The following FOSL2 variants were observed in gnomAD, a reference collection of about 807,000 sequenced individuals.
FOSL2 encodes fos-related antigen 2.
In FOSL2, 3 loss-of-function variants were observed where a neutral mutation model predicts 27.7. That is an observed-to-expected ratio of 0.11 (90% CI 0.05 to 0.28). FOSL2 has a LOEUF of 0.28. Among genes scored for constraint, FOSL2 ranks in the 10% least tolerant of loss-of-function variants. FOSL2 has a pLI of 1.00. For missense variants in FOSL2, 333 were observed against 445.1 expected (o/e 0.75, Z 2.27); for synonymous variants, 179 against 190.1 (o/e 0.94, Z 0.48).
At chr2:28,409,450 C>T (rs1054478326) in intron 3 of FOSL2, among the ~76,000 whole-genome samples, 4 of 152,198 alleles carry the variant, frequency 2.6e-5, no homozygotes, top group Non-Finnish European at 4.4e-5. Flanking sequence ...GCCATGGTAC[C>T]GCGTGCTGCT....
In FOSL2 at chr2:28,413,844, TTGTC is replaced by T. The variant is rs1341558922; in HGVS notation, c.*1400_*1403del. The T allele has an allele frequency of 2.5e-6, 1 of 398,718 alleles. No individual in the cohort carries two copies. Among genetic ancestry groups the T allele is most frequent in the African/African-American group, 2.1e-5 (1 of 48,640 alleles). 24.7% of individuals were successfully genotyped at this position (398,718 alleles called of 1,614,324 possible). ...CTTGTGGCTCATGCGCCATTCCTGG[TTGTC>T]TGTTGAATCTTTCTGGCTGCTGGAA... On this transcript the variant is annotated 3_prime_UTR_variant, in exon 4 of 4. Coordinates refer to ENST00000264716, the MANE Select transcript of FOSL2 (RefSeq NM_005253.4).
At chr2:28,406,351 C>G (rs1375342860) in intron 2 of FOSL2, among the ~76,000 whole-genome samples, 1 of 152,138 alleles carries the variant, frequency 6.6e-6, no homozygotes, top group African/African-American at 2.4e-5. Flanking sequence ...CGTGAGCCAC[C>G]GCGCCCGGCC....
chr2:28,409,066 G>A (rs1040010279), intron 3 of FOSL2, among the ~76,000 whole-genome samples, 200 bp downstream of exon 3: 8 of 152,238 alleles, frequency 5.3e-5, no homozygotes, highest in African/African-American at 1.2e-4. Context: ...GGGAGGTGGC[G>A]TTTAGCACCA....
At position 28,393,831 on chromosome 2, in the gene FOSL2, G is replaced by C. The variant is rs1218306538; in HGVS notation, c.102+9G>C. On this transcript the variant is annotated intron_variant, in intron 1 of 3. Coordinates refer to ENST00000264716, the MANE Select transcript of FOSL2 (RefSeq NM_005253.4). The surrounding 1 kb of genome is among the most constrained non-coding windows in gnomAD (Gnocchi z 4.6). The stretch of plus-strand genomic sequence containing the variant: ...GCGGCGGCGGCCAGCAGGTAGGTGC[G>C]GGCCCCGGTGCACCTGGCGGCGCGG... 1 of 1,577,524 alleles carries C rather than the reference G, an allele frequency of 6.3e-7. No individual in the cohort carries two copies. The highest frequency in any genetic ancestry group is 2.3e-5 in the East Asian group (1 of 42,672).
At position 28,408,475 on chromosome 2, in the gene FOSL2, T is replaced by G. The variant is rs1276776123; in HGVS notation, c.355-284T>G. Reference sequence around the variant, plus strand: ...ATGTGATAGGTGCTGCCATCATGCCTGGGCCAGTGAATCTCTGACCCATTG... The same window carrying G: ...ATGTGATAGGTGCTGCCATCATGCCGGGGCCAGTGAATCTCTGACCCATTG... On this transcript the variant is annotated intron_variant, in intron 2 of 3. Coordinates refer to ENST00000264716, the MANE Select transcript of FOSL2 (RefSeq NM_005253.4). This position sits in a 1 kb window ranked among gnomAD's most constrained non-coding sequence, Gnocchi z 4.1. Among the ~76,000 whole-genome samples, 3 of 152,210 alleles carry G rather than the reference T, an allele frequency of 2.0e-5. No homozygotes were observed. Among genetic ancestry groups the G allele is most frequent in the Non-Finnish European group, 4.4e-5 (3 of 68,034 alleles).
chr2:28,403,426 G>A (rs1170908881), intron 1 of FOSL2, among the ~76,000 whole-genome samples: 2 of 152,172 alleles, frequency 1.3e-5, no homozygotes, highest in African/African-American at 4.8e-5. Context: ...CACTCAGCCA[G>A]TCTGCCCCAA....
chr2:28,393,940 G>T lies in FOSL2; in HGVS notation c.102+118G>T. 4.1e-6 allele frequency: 3 copies of T among 734,860 alleles called. No homozygotes were observed. Among genetic ancestry groups the T allele is most frequent in the East Asian group, 3.0e-5 (1 of 33,740 alleles). 45.5% of individuals were successfully genotyped at this position (734,860 alleles called of 1,614,324 possible). A position where few individuals can be genotyped will look rare whatever the true frequency, so the allele number is the denominator to read the frequency against. On this transcript the variant is annotated intron_variant, in intron 1 of 3. Coordinates refer to ENST00000264716, the MANE Select transcript of FOSL2 (RefSeq NM_005253.4). This position sits in a 1 kb window ranked among gnomAD's most constrained non-coding sequence, Gnocchi z 4.6. ...GGCGAGAAAATACCTACGGGCCACC[G>T]TTGTAAGTTCTGGATTTTCGTCCTC...
In FOSL2 at chr2:28,412,774, C is replaced by G. The variant is rs1445952499; in HGVS notation, c.*326C>G. On this transcript the variant is annotated 3_prime_UTR_variant, in exon 4 of 4. Coordinates refer to ENST00000264716, the MANE Select transcript of FOSL2 (RefSeq NM_005253.4). The surrounding 1 kb of genome is among the most constrained non-coding windows in gnomAD (Gnocchi z 7.1). The stretch of plus-strand genomic sequence containing the variant: ...GAAGCTGGCCTGGACCATTCCTGTC[C>G]CTTTGTTACCATACTGTCTCTGGAG... 3.1e-6 allele frequency: 1 copy of G among 319,736 alleles called. No homozygotes were observed. The highest frequency in any genetic ancestry group is 5.9e-6 in the Non-Finnish European group (1 of 169,076). The allele number at this position is 319,736 out of a possible 1,614,324, so 19.8% of individuals were successfully genotyped here.
At chr2:28,395,639 G>T (rs912275862) in intron 1 of FOSL2, 1 of 152,262 alleles carries the variant, frequency 6.6e-6, no homozygotes, top group African/African-American at 2.4e-5. Flanking sequence ...AAAAGCAGCT[G>T]TTGGCTAATT....
rs1204453249 is a variant in FOSL2, at chr2:28,392,989, C to T, written c.-732C>T. The T allele has an allele frequency of 7.8e-6, 5 of 640,782 alleles. No individual in the cohort carries two copies. Among genetic ancestry groups the T allele is most frequent in the Non-Finnish European group, 1.2e-5 (4 of 344,044 alleles). The allele number at this position is 640,782 out of a possible 1,614,324, so 39.7% of individuals were successfully genotyped here. On this transcript the variant is annotated 5_prime_UTR_variant, in exon 1 of 4. Transcript: ENST00000264716. ...GAGGGAGAGGCGCGGCCGGGCGAGG[C>T]GGGCCCGTCCGGGAGCGGGCTCCGG...
At position 28,393,254 on chromosome 2, in the gene FOSL2, G is replaced by C. The variant is rs955106211; in HGVS notation, c.-467G>C. On this transcript the variant is annotated 5_prime_UTR_variant, in exon 1 of 4. Transcript: ENST00000264716. This position sits in a 1 kb window ranked among gnomAD's most constrained non-coding sequence, Gnocchi z 4.6. Reference sequence around the variant, plus strand: ...AAGGAAGAAACAGAAGTTTCTCCCAGCGGACAGCTTTTCTTTCCGCCTTTT... The same window carrying C: ...AAGGAAGAAACAGAAGTTTCTCCCACCGGACAGCTTTTCTTTCCGCCTTTT... 4.7e-6 allele frequency: 1 copy of C among 211,596 alleles called. No homozygotes were observed. The highest frequency in any genetic ancestry group is 9.2e-6 in the Non-Finnish European group (1 of 108,500). 13.1% of individuals were successfully genotyped at this position (211,596 alleles called of 1,614,324 possible).
In FOSL2 at chr2:28,404,204, C is replaced by T. The variant is rs1664031347; in HGVS notation, c.200C>T (p.Thr67Ile). ...SQDLQWMVQP[T>I]VITSMSNPYP... ...GACCTGCAGTGGATGGTGCAGCCCACAGTGATCACCTCCATGTCCAACCCA... is the reference window on the plus strand; with the variant it reads ...GACCTGCAGTGGATGGTGCAGCCCATAGTGATCACCTCCATGTCCAACCCA... The change falls in exon 2 of 4, where the codon ACA becomes ATA. Residue 67 changes from threonine to isoleucine, a missense_variant. Coordinates refer to ENST00000264716, the MANE Select transcript of FOSL2 (RefSeq NM_005253.4). The surrounding 1 kb of genome is among the most constrained non-coding windows in gnomAD (Gnocchi z 4.7). The T allele has an allele frequency of 6.2e-7, 1 of 1,614,124 alleles. No homozygotes were observed. The highest frequency in any genetic ancestry group is 1.3e-5 in the African/African-American group (1 of 74,942).
intron 1 of FOSL2, chr2:28,394,497 G>A (rs1052948848): frequency 6.6e-6 from 1 of 152,600 alleles, no homozygotes; most frequent in Non-Finnish European, 1.5e-5. Context: ...ACGGACAGGA[G>A]GCTGCACTGC....
rs1239932370 is a variant in FOSL2 at position 28,408,607 on chromosome 2, G to T, written c.355-152G>T. On this transcript the variant is annotated intron_variant, in intron 2 of 3. Transcript: ENST00000264716. This position sits in a 1 kb window ranked among gnomAD's most constrained non-coding sequence, Gnocchi z 4.1. The stretch of plus-strand genomic sequence containing the variant: ...CAGACATCAGGGATCCACATGTTCT[G>T]GGGCCTCTGAGTCCAGCCATGCTCC... 20 of 547,126 alleles carry T rather than the reference G, an allele frequency of 3.7e-5. No individual in the cohort carries two copies. Among genetic ancestry groups the T allele is most frequent in the Middle Eastern group, 3.5e-4 (1 of 2,896 alleles). The allele number at this position is 547,126 out of a possible 1,614,324, so 33.9% of individuals were successfully genotyped here.
In FOSL2 at chr2:28,408,502, T is replaced by C. The variant is rs535138111; in HGVS notation, c.355-257T>C. Among the ~76,000 whole-genome samples, 5 of 152,214 alleles carry C rather than the reference T, an allele frequency of 3.3e-5. No homozygotes were observed. Among genetic ancestry groups the C allele is most frequent in the Non-Finnish European group, 7.3e-5 (5 of 68,040 alleles). On this transcript the variant is annotated intron_variant, in intron 2 of 3. Coordinates refer to ENST00000264716, the MANE Select transcript of FOSL2 (RefSeq NM_005253.4). The surrounding 1 kb of genome is among the most constrained non-coding windows in gnomAD (Gnocchi z 4.1). ...GGCCAGTGAATCTCTGACCCATTGC[T>C]GTCCTGTTTAAACATGGACTTTAAA...
At chr2:28,398,002 C>G (rs1017667510) in intron 1 of FOSL2, among the ~76,000 whole-genome samples, 1 of 152,204 alleles carries the variant, frequency 6.6e-6, no homozygotes, top group Non-Finnish European at 1.5e-5. Context: ...TAGAGTCTAC[C>G]TGGGAGAGCA....
chr2:28,392,904 C>T lies in FOSL2; in HGVS notation c.-817C>T, dbSNP rs1419156570. On this transcript the variant is annotated 5_prime_UTR_variant, in exon 1 of 4. Transcript: ENST00000264716. ...AGCGCTAGGGCTCCGAGCGAACCAG[C>T]GAGCGAGCGAACGAGCGGCGCTCGG... 10 of 712,940 alleles carry T rather than the reference C, an allele frequency of 1.4e-5. No individual in the cohort carries two copies. Among genetic ancestry groups the T allele is most frequent in the South Asian group, 1.3e-4 (9 of 67,322 alleles). 44.2% of individuals were successfully genotyped at this position (712,940 alleles called of 1,614,324 possible). A position where few individuals can be genotyped will look rare whatever the true frequency, so the allele number is the denominator to read the frequency against.
rs1258953225 is a variant in FOSL2, at chr2:28,414,120, C to T, written c.*1672C>T. 3.0e-6 allele frequency: 1 copy of T among 331,042 alleles called. No individual in the cohort carries two copies. The highest frequency in any genetic ancestry group is 2.1e-5 in the African/African-American group (1 of 47,468). 20.5% of individuals were successfully genotyped at this position (331,042 alleles called of 1,614,324 possible). A position where few individuals can be genotyped will look rare whatever the true frequency, so the allele number is the denominator to read the frequency against. ...GCGGGGCTTGTGCTCTGCAAAGACT[C>T]TGCTGCTGGGGATTCAGCTCTAGAG... On this transcript the variant is annotated 3_prime_UTR_variant, in exon 4 of 4. Coordinates refer to ENST00000264716, the MANE Select transcript of FOSL2 (RefSeq NM_005253.4).
chr2:28,398,101 T>C (rs1309774526), intron 1 of FOSL2, among the ~76,000 whole-genome samples: 2 of 152,172 alleles, frequency 1.3e-5, no homozygotes, highest in African/African-American at 4.8e-5. Context: ...ATAAAGATAC[T>C]GGTTGTGAGA....
Sources: allele counts gnomAD v4.1 joint callset (sites outside exome capture counted in the v4.1 genomes callset), GRCh38; gene constraint gnomAD v4.1.1; non-coding constraint Gnocchi (gnomAD v3.1); transcripts MANE v1.5; gene names NCBI Gene and HGNC (gene_info 2026-07-23, HGNC 2026-07-21).